The following TOX variants were observed in gnomAD, a reference collection of about 807,000 sequenced individuals.
The protein encoded by TOX is thymocyte selection-associated high mobility group box protein TOX.
Under a neutral mutation model 53.7 loss-of-function variants are expected in TOX, and 11 were observed. The observed-to-expected ratio is 0.20, with a 90% CI of 0.13 to 0.34. The LOEUF (loss-of-function observed/expected upper bound fraction) is 0.34. Among genes scored for constraint, TOX ranks in the 10% least tolerant of loss-of-function variants. The pLI is 1.00. For synonymous variants in TOX, 225 were observed against 245.3 expected (o/e 0.92, Z 0.77); for missense variants, 570 against 664.6 (o/e 0.86, Z 1.56).
intron 5 of TOX, among the ~76,000 whole-genome samples, chr8:58,836,159 TGG>T (rs1810542162): frequency 6.6e-6 from 1 of 152,030 alleles, no homozygotes; most frequent in Admixed American, 6.6e-5. Flanking sequence ...GCGTCATGGG[TGG>T]AGCAGGGAGG....
intron 1 of TOX, among the ~76,000 whole-genome samples, chr8:59,075,959 C>G (rs58036263): frequency 0.014 from 2,136 of 150,636 alleles, 68 homozygotes; most frequent in African/African-American, 0.049. Flanking sequence ...GAGCCCAGAT[C>G]GCGCCATTGC....
At chr8:59,059,424 T>G (rs569398831) in intron 1 of TOX, among the ~76,000 whole-genome samples, 129 of 152,302 alleles carry the variant, frequency 8.5e-4, no homozygotes, top group African/African-American at 3.0e-3. Context: ...CTTTAAATTT[T>G]TTTTTAACTG....
At position 58,967,090 on chromosome 8, in the gene TOX, G is replaced by C. The variant is rs532554716; in HGVS notation, c.103-7082C>G. Among the ~76,000 whole-genome samples the C allele has an allele frequency of 3.9e-4, 60 of 152,020 alleles. 2 individuals carry two copies. The South Asian group carries it at 0.012, about 32-fold the overall frequency. On this transcript the variant is annotated intron_variant, in intron 1 of 8. Transcript: ENST00000361421. Reference sequence around the variant, plus strand: ...GGGGTTTCACCGTGTTAGCCAGGATGGTCTCCATCTCCTGACCTCGTGATC... The same window carrying C: ...GGGGTTTCACCGTGTTAGCCAGGATCGTCTCCATCTCCTGACCTCGTGATC...
chr8:58,993,953 T>A (rs1467769606), intron 1 of TOX, among the ~76,000 whole-genome samples: 1 of 149,644 alleles, frequency 6.7e-6, no homozygotes, highest in Non-Finnish European at 1.5e-5. Context: ...ACGTTGTGAA[T>A]TGGTCTACCT....
At chr8:58,859,829 TA>T (rs1408402223) in intron 3 of TOX, among the ~76,000 whole-genome samples, 1 of 152,188 alleles carries the variant, frequency 6.6e-6, no homozygotes, top group East Asian at 1.9e-4. Context: ...TCACACTGGC[TA>T]AAAACCATGT....
intron 1 of TOX, among the ~76,000 whole-genome samples, chr8:59,028,589 A>G (rs1814289157): frequency 1.3e-5 from 2 of 152,172 alleles, no homozygotes; most frequent in African/African-American, 4.8e-5. Context: ...ATACATACAT[A>G]TATAGATATT....
At chr8:58,885,499 C>T (rs945155050) in intron 3 of TOX, among the ~76,000 whole-genome samples, 4 of 152,156 alleles carry the variant, frequency 2.6e-5, no homozygotes, top group Non-Finnish European at 2.9e-5. Flanking sequence ...CAAATGAGCT[C>T]GTTCTGATGG....
intron 1 of TOX, among the ~76,000 whole-genome samples, chr8:59,090,109 T>C (rs989287528): frequency 2.0e-5 from 3 of 152,216 alleles, no homozygotes; most frequent in Admixed American, 6.5e-5. Context: ...GTGACAATAT[T>C]GAAGGGCTTC....
At chr8:58,938,517 T>C (rs892195719) in intron 3 of TOX, among the ~76,000 whole-genome samples, 2 of 152,168 alleles carry the variant, frequency 1.3e-5, no homozygotes, top group African/African-American at 4.8e-5. Flanking sequence ...GATTTTTTTT[T>C]CCACTATTGG....
At chr8:58,928,428 G>C (rs2129175457) in intron 3 of TOX, among the ~76,000 whole-genome samples, 1 of 152,274 alleles carries the variant, frequency 6.6e-6, no homozygotes, top group African/African-American at 2.4e-5. Context: ...GCTTCACCTT[G>C]GTGCAGCTAC....
intron 3 of TOX, among the ~76,000 whole-genome samples, chr8:58,873,141 A>G (rs1170478111): frequency 6.6e-6 from 1 of 152,136 alleles, no homozygotes; most frequent in South Asian, 2.1e-4. Context: ...TGTTAATGCA[A>G]TTATAACGTT....
rs1805121400 is a variant in TOX, at chr8:59,117,437, T to C, written c.102+1449A>G. On this transcript the variant is annotated intron_variant, in intron 1 of 8. Transcript: ENST00000361421. This position sits in a 1 kb window ranked among gnomAD's most constrained non-coding sequence, Gnocchi z 4.6. ...CCTTGCTCAAGACTGGATGTCCCTC[T>C]TTTCTAACTTGCCTAAACACCATCG... Among the ~76,000 whole-genome samples, 1 of 152,244 alleles carries C rather than the reference T, an allele frequency of 6.6e-6. No homozygotes were observed.
chr8:58,958,976 C>A (rs1197886637), intron 2 of TOX, among the ~76,000 whole-genome samples: 1 of 152,186 alleles, frequency 6.6e-6, no homozygotes, highest in Non-Finnish European at 1.5e-5. Context: ...TCCCTCCCAA[C>A]CCCATTCCCC....
At chr8:59,021,481 A>AAAAAAAAAAAATATATAT (rs59174995) in intron 1 of TOX, among the ~76,000 whole-genome samples, 2 of 64,740 alleles carry the variant, frequency 3.1e-5, no homozygotes, top group Non-Finnish European at 6.2e-5. Context: ...AAAAAAAAAA[A>AAAAAAAAAAAATATATAT]ATATATATAT....
At chr8:59,001,826 A>G (rs1169275930) in intron 1 of TOX, among the ~76,000 whole-genome samples, 1 of 152,200 alleles carries the variant, frequency 6.6e-6, no homozygotes, top group African/African-American at 2.4e-5. Flanking sequence ...AAACAAATCA[A>G]AAGAGACCAG....
intron 1 of TOX, among the ~76,000 whole-genome samples, chr8:59,015,184 C>A (rs1007282025): frequency 6.6e-6 from 1 of 152,204 alleles, no homozygotes; most frequent in African/African-American, 2.4e-5. Flanking sequence ...TCCCTGGTAA[C>A]AATTAACACT....
intron 3 of TOX, among the ~76,000 whole-genome samples, chr8:58,935,428 T>C (rs1052900588): frequency 6.6e-6 from 1 of 152,142 alleles, no homozygotes; most frequent in African/African-American, 2.4e-5. Flanking sequence ...TTTTAGAAAA[T>C]ATAATTAGAG....
intron 1 of TOX, among the ~76,000 whole-genome samples, chr8:59,002,738 A>G (rs1813716989): frequency 6.6e-6 from 1 of 152,220 alleles, no homozygotes; most frequent in African/African-American, 2.4e-5. Flanking sequence ...TTTTATAAGT[A>G]AAAGGCATAA....
intron 1 of TOX, among the ~76,000 whole-genome samples, chr8:58,981,483 G>A (rs1284062275): frequency 1.3e-5 from 2 of 151,828 alleles, no homozygotes; most frequent in African/African-American, 4.8e-5. Flanking sequence ...TTTAGTCCCT[G>A]CTTCAAAATC....
Sources: gnomAD v4.1 joint callset for allele counts (sites outside exome capture counted in the v4.1 genomes callset) on GRCh38, gnomAD v4.1.1 for gene constraint, Gnocchi (gnomAD v3.1) non-coding constraint, MANE v1.5 for transcripts, NCBI Gene and HGNC (gene_info 2026-07-23, HGNC 2026-07-21) for gene names.